TNNI3K: variants seen among roughly 807,000 people sequenced by gnomAD.
TNNI3K encodes TNNI3 interacting kinase, also known as serine/threonine-protein kinase TNNI3K.
TNNI3K carries 140 observed loss-of-function variants against 114.5 expected under a neutral mutation model. The observed-to-expected ratio is 1.22, with a 90% CI of 1.07 to 1.41. The LOEUF is 1.41. Ranked by LOEUF, TNNI3K falls within the 40% of genes most tolerant of loss-of-function variation. TNNI3K has a pLI of 0.00. For missense variants in TNNI3K, 1,125 were observed against 1,007.6 expected (o/e 1.12, Z -1.58); for synonymous variants, 347 against 347.5 (o/e 1.00, Z 0.02).
intron 5 of TNNI3K, among the ~76,000 whole-genome samples, chr1:74,311,047 A>G (rs539056878): frequency 2.0e-5 from 3 of 152,146 alleles, no homozygotes; most frequent in Admixed American, 6.5e-5. Context: ...TCTTAAAGAT[A>G]TATGTTTCAA....
intron 23 of TNNI3K, among the ~76,000 whole-genome samples, chr1:74,496,409 A>G (rs1011377181): frequency 6.6e-6 from 1 of 152,222 alleles, no homozygotes; most frequent in Admixed American, 6.5e-5. Flanking sequence ...ATTTTTTAGT[A>G]TAGCATTATG....
At chr1:74,236,048 C>A in intron 1 of TNNI3K, 54 bp from the exon 2 acceptor site, 1 of 1,423,930 alleles carries the variant, frequency 7.0e-7, no homozygotes, top group Non-Finnish European at 9.7e-7. Flanking sequence ...TGATCTGTGT[C>A]TACATTTTGC....
intron 5 of TNNI3K, among the ~76,000 whole-genome samples, chr1:74,274,228 A>G (rs1375960445): frequency 6.6e-6 from 1 of 152,032 alleles, no homozygotes; most frequent in Non-Finnish European, 1.5e-5. Context: ...ACTATTTATT[A>G]AGTGGAAGTG....
intron 4 of TNNI3K, among the ~76,000 whole-genome samples, chr1:74,257,796 T>G (rs1409615436): frequency 2.0e-5 from 3 of 150,550 alleles, no homozygotes; most frequent in South Asian, 2.1e-4. Context: ...GCCTCCGGAG[T>G]AGCTGGGGCT....
intron 17 of TNNI3K, among the ~76,000 whole-genome samples, chr1:74,392,050 C>T (rs948713337): frequency 1.4e-4 from 21 of 147,366 alleles, no homozygotes; most frequent in Non-Finnish European, 2.8e-4. Flanking sequence ...ACTGCAAGCT[C>T]CGCCTCCCGG....
At chr1:74,251,028 AGGTTACAT>A (rs1654898432) in intron 4 of TNNI3K, among the ~76,000 whole-genome samples, 1 of 152,076 alleles carries the variant, frequency 6.6e-6, no homozygotes, top group Admixed American at 6.6e-5. Context: ...ATTATCCCCA[AGGTTACAT>A]GGTTAGCCAG....
chr1:74,261,760 A>G (rs1655689669), intron 4 of TNNI3K, among the ~76,000 whole-genome samples: 1 of 152,182 alleles, frequency 6.6e-6, no homozygotes, highest in South Asian at 2.1e-4. Flanking sequence ...ATTTTGATTC[A>G]TTAACTTATT....
intron 23 of TNNI3K, among the ~76,000 whole-genome samples, chr1:74,510,701 A>G (rs1211930101): frequency 6.6e-6 from 1 of 152,206 alleles, no homozygotes; most frequent in Non-Finnish European, 1.5e-5. Context: ...TAGGATCTTG[A>G]ACAGTATATA....
intron 4 of TNNI3K, among the ~76,000 whole-genome samples, chr1:74,260,787 A>G (rs1655616460): frequency 1.3e-5 from 2 of 152,104 alleles, no homozygotes; most frequent in Non-Finnish European, 2.9e-5. Context: ...AATGGCATCT[A>G]TACTTAGATC....
At chr1:74,254,606 C>T (rs1025706208) in intron 4 of TNNI3K, among the ~76,000 whole-genome samples, 8 of 152,120 alleles carry the variant, frequency 5.3e-5, no homozygotes, top group African/African-American at 1.9e-4. Flanking sequence ...TAATGTAACT[C>T]TCCCATCCTT....
At chr1:74,440,909 G>A (rs773736184) in intron 20 of TNNI3K, among the ~76,000 whole-genome samples, 11 of 151,804 alleles carry the variant, frequency 7.2e-5, no homozygotes, top group East Asian at 1.9e-4. Flanking sequence ...GTGTTTTTTC[G>A]TAAGAAAGAA....
intron 21 of TNNI3K, among the ~76,000 whole-genome samples, chr1:74,488,523 G>A (rs1180263559): frequency 6.6e-6 from 1 of 152,134 alleles, no homozygotes; most frequent in South Asian, 2.1e-4. Flanking sequence ...CTCAGAAGAG[G>A]CCAACATTTT....
chr1:74,507,526 C>T (rs1295842973), intron 23 of TNNI3K, among the ~76,000 whole-genome samples: 1 of 152,114 alleles, frequency 6.6e-6, no homozygotes, highest in Non-Finnish European at 1.5e-5. Context: ...TATCACAATG[C>T]TTGGCATATA....
At chr1:74,338,653 A>G (rs1431002844) in intron 7 of TNNI3K, among the ~76,000 whole-genome samples, 2 of 152,160 alleles carry the variant, frequency 1.3e-5, no homozygotes, top group African/African-American at 4.8e-5. Context: ...TATTTAGTTA[A>G]TAAAGCTAAT....
intron 23 of TNNI3K, among the ~76,000 whole-genome samples, chr1:74,521,594 C>A (rs45616639): frequency 9.9e-5 from 15 of 151,868 alleles, no homozygotes; most frequent in Non-Finnish European, 1.8e-4. Context: ...CCTTTTTCTG[C>A]GTTCCTTTAT....
intron 17 of TNNI3K, among the ~76,000 whole-genome samples, chr1:74,427,876 T>C (rs565808941): frequency 3.7e-4 from 57 of 152,180 alleles, no homozygotes; most frequent in Non-Finnish European, 7.9e-4. Context: ...TTAGATTTAT[T>C]TAGTCATTAT....
At chr1:74,453,688 T>C (rs1667117276) in intron 20 of TNNI3K, among the ~76,000 whole-genome samples, 1 of 152,128 alleles carries the variant, frequency 6.6e-6, no homozygotes, top group African/African-American at 2.4e-5. Context: ...ACCTGTAATC[T>C]CAGGTTTAGG....
intron 20 of TNNI3K, among the ~76,000 whole-genome samples, chr1:74,442,373 C>T (rs1238260602): frequency 2.0e-5 from 3 of 151,952 alleles, no homozygotes; most frequent in South Asian, 4.1e-4. Context: ...TATAGTGAGT[C>T]GTGAAATTAA....
chr1:74,508,978 A>C (rs1037941900), intron 23 of TNNI3K, among the ~76,000 whole-genome samples: 3 of 152,186 alleles, frequency 2.0e-5, no homozygotes, highest in African/African-American at 7.2e-5. Flanking sequence ...CTAAAGATAA[A>C]TGTCCCTATT....
Sources: gnomAD v4.1 joint callset for allele counts (sites outside exome capture counted in the v4.1 genomes callset) on GRCh38, gnomAD v4.1.1 for gene constraint, MANE v1.5 for transcripts, NCBI Gene and HGNC (gene_info 2026-07-23, HGNC 2026-07-21) for gene names.